Variants in ARSG observed in about 807,000 individuals in gnomAD.
ARSG encodes arylsulfatase G.
In ARSG, 37 loss-of-function variants were observed where a neutral mutation model predicts 50.5. The observed-to-expected ratio is 0.73, with a 90% CI of 0.56 to 0.96. ARSG has a LOEUF of 0.96. Among genes scored for constraint, ARSG ranks in the 50% least tolerant of loss-of-function variants. The pLI, the probability that ARSG is intolerant of heterozygous loss-of-function variation, is 0.00. For missense variants in ARSG, 629 were observed against 675.3 expected, an observed-to-expected ratio of 0.93 and a Z score of 0.76; for synonymous variants, 225 against 254.6, an observed-to-expected ratio of 0.88 and a Z score of 1.11.
At chr17:68,274,985 G>C (rs942711641) in intron 1 of ARSG, among the ~76,000 whole-genome samples, 2 of 152,136 alleles carry the variant, frequency 1.3e-5, no homozygotes, top group Non-Finnish European at 2.9e-5. Context: ...TCTCCATGTT[G>C]GTCAGGCTGG....
chr17:68,444,734 TATGGATGTACAC>T, the ARSG span: 1 of 620,890 alleles, frequency 1.6e-6, no homozygotes, highest in Non-Finnish European at 2.7e-6. Flanking sequence ...AGATTGTGTT[TATGGATGTACAC>T]ACATACACAT....
rs1391917469 is a variant in ARSG at position 68,381,385 on chromosome 17, G to A, written c.983-3679G>A. Among the ~76,000 whole-genome samples the A allele has an allele frequency of 1.3e-5, 2 of 152,184 alleles. No homozygotes were observed. The highest frequency in any genetic ancestry group is 6.5e-5 in the Admixed American group (1 of 15,270). On this transcript the variant is annotated intron_variant, in intron 8 of 11. Coordinates refer to ENST00000621439, the MANE Select transcript of ARSG (RefSeq NM_001267727.2). The surrounding 1 kb of genome is among the most constrained non-coding windows in gnomAD (Gnocchi z 4.1). The stretch of plus-strand genomic sequence containing the variant: ...TAGAGTCACAAGTAACCACAAGTGC[G>A]TAGAAATGCATTCTCATGGCCATAA...
intron 8 of ARSG, among the ~76,000 whole-genome samples, chr17:68,376,219 C>G (rs2080136730): frequency 6.6e-6 from 1 of 151,542 alleles, no homozygotes; most frequent in Non-Finnish European, 1.5e-5. Context: ...AAGGGATTCC[C>G]CCCACCTCAT....
At chr17:68,400,395 CTG>C (rs1283226732) in intron 10 of ARSG, 1 of 152,190 alleles carries the variant, frequency 6.6e-6, no homozygotes, top group Non-Finnish European at 1.5e-5. Flanking sequence ...CTGTGGGCGT[CTG>C]TGACCAGAGT....
rs532422094 is a variant in ARSG at position 68,401,401 on chromosome 17, A to G, written c.1254A>G (p.Gly418=). 5 of 1,614,010 alleles carry G rather than the reference A, an allele frequency of 3.1e-6. No homozygotes were observed. The African/African-American group carries it at 5.3e-5, about 17-fold the overall frequency. The change falls in exon 11 of 12, where the codon GGA becomes GGG. Residue 418 remains glycine, a synonymous_variant. Transcript: ENST00000621439. ...HPNSGAAGEF[G]ALQTVRLERY... is the part of the protein sequence containing the mutation. ...ACAGCGGGGCAGCTGGAGAGTTTGGAGCCCTGCAGACTGTCCGCCTGGAGC... is the reference window on the plus strand; with the variant it reads ...ACAGCGGGGCAGCTGGAGAGTTTGGGGCCCTGCAGACTGTCCGCCTGGAGC...
At chr17:68,429,748 C>T in the ARSG span, among the ~76,000 whole-genome samples, 1 of 152,062 alleles carries the variant, frequency 6.6e-6, no homozygotes, top group Non-Finnish European at 1.5e-5. Context: ...ACCACCATAC[C>T]CGGCTAATTT....
chr17:68,426,009 A>G (rs140834579), downstream of ARSG: 109 of 1,276,068 alleles, frequency 8.5e-5, 4 homozygotes, highest in South Asian at 9.1e-4. Context: ...TGCCTCTCGT[A>G]TGAGGCGAAG....
the ARSG span, among the ~76,000 whole-genome samples, chr17:68,448,095 G>T: frequency 1.3e-5 from 2 of 151,924 alleles, no homozygotes; most frequent in African/African-American, 4.8e-5. Context: ...CTGTCTGAAG[G>T]CCTGAGGAAG....
the ARSG span, among the ~76,000 whole-genome samples, chr17:68,448,132 AC>A: frequency 6.6e-6 from 1 of 152,146 alleles, no homozygotes; most frequent in African/African-American, 2.4e-5. Context: ...ACAGAATAGA[AC>A]AGGACACACT....
intron 6 of ARSG, among the ~76,000 whole-genome samples, chr17:68,362,131 T>C (rs764009046): frequency 6.6e-6 from 1 of 152,122 alleles, no homozygotes; most frequent in African/African-American, 2.4e-5. Context: ...CATGAGCTCA[T>C]GCCTGGGATC....
At chr17:68,443,922 T>C in the ARSG span, among the ~76,000 whole-genome samples, 1 of 152,242 alleles carries the variant, frequency 6.6e-6, no homozygotes, top group Non-Finnish European at 1.5e-5. Context: ...GCTATTTCAA[T>C]ATAACAAATC....
intron 1 of ARSG, among the ~76,000 whole-genome samples, chr17:68,297,166 A>G (rs1555758609): frequency 6.6e-6 from 1 of 152,220 alleles, no homozygotes; most frequent in Non-Finnish European, 1.5e-5. Flanking sequence ...TTCTTTTGAA[A>G]TGTTTCTGAT....
chr17:68,436,622 G>A, the ARSG span: 6 of 689,526 alleles, frequency 8.7e-6, no homozygotes, highest in African/African-American at 1.1e-4. Context: ...GCTTTCCGCT[G>A]ATGATTCTTC....
intron 1 of ARSG, among the ~76,000 whole-genome samples, chr17:68,306,621 T>G (rs1356959633): frequency 2.2e-4 from 33 of 152,328 alleles, no homozygotes; most frequent in African/African-American, 7.5e-4. Context: ...CTTCTGGAAT[T>G]CTCAGTGGCA....
chr17:68,309,858 T>TA (rs35580730), intron 2 of ARSG, among the ~76,000 whole-genome samples: 3 of 150,164 alleles, frequency 2.0e-5, no homozygotes, highest in East Asian at 3.9e-4. Flanking sequence ...AGACTCTGTC[T>TA]AAAAAAAAAT....
intron 11 of ARSG, among the ~76,000 whole-genome samples, chr17:68,414,659 CTT>C (rs1362318946): frequency 1.3e-5 from 2 of 150,552 alleles, no homozygotes; most frequent in Non-Finnish European, 2.9e-5. Flanking sequence ...TGGTCCTAGA[CTT>C]TTGTTGTTGT....
intron 11 of ARSG, chr17:68,413,504 C>G (rs1189630581): frequency 6.6e-6 from 1 of 152,190 alleles, no homozygotes; most frequent in African/African-American, 2.4e-5. Context: ...GGGAGAACCA[C>G]TGCTCTCTTC....
intron 2 of ARSG, among the ~76,000 whole-genome samples, chr17:68,320,148 G>A (rs750368889): frequency 6.6e-6 from 1 of 152,182 alleles, no homozygotes; most frequent in Non-Finnish European, 1.5e-5. Context: ...AATTAGTCGG[G>A]CGTGATGGCG....
chr17:68,333,152 T>TACA (rs914548623), intron 2 of ARSG, among the ~76,000 whole-genome samples: 10 of 150,738 alleles, frequency 6.6e-5, no homozygotes, highest in South Asian at 6.3e-4. Flanking sequence ...CTACTAAAAA[T>TACA]ACAACAACAA....
Sources: gnomAD v4.1 joint callset for allele counts (sites outside exome capture counted in the v4.1 genomes callset) on GRCh38, gnomAD v4.1.1 for gene constraint, Gnocchi (gnomAD v3.1) non-coding constraint, MANE v1.5 for transcripts, NCBI Gene and HGNC (gene_info 2026-07-23, HGNC 2026-07-21) for gene names.